FUBP1: variants seen among roughly 807,000 people sequenced by gnomAD.
The protein encoded by FUBP1 is far upstream element binding protein 1.
In FUBP1, 16 loss-of-function variants were observed where a neutral mutation model predicts 94.9. That is an observed-to-expected ratio of 0.17 (90% CI 0.11 to 0.26). FUBP1 has a LOEUF of 0.26. Ranked by LOEUF, FUBP1 falls within the 10% of genes least tolerant of loss-of-function variation. The pLI, the probability that FUBP1 is intolerant of heterozygous loss-of-function variation, is 1.00. For missense variants in FUBP1, 583 were observed against 808.6 expected (o/e 0.72, Z 3.38); for synonymous variants, 279 against 254.9 (o/e 1.09, Z -0.90).
intron 17 of FUBP1, 123 bp downstream of exon 17, chr1:77,956,449 G>A (rs1413452386): frequency 3.5e-6 from 2 of 578,976 alleles, no homozygotes; most frequent in South Asian, 3.7e-5. Context: ...TTTAAAAAAG[G>A]AAAAGTCTGC....
At chr1:77,977,697 C>G (rs763569445) in intron 1 of FUBP1, among the ~76,000 whole-genome samples, 1 of 152,168 alleles carries the variant, frequency 6.6e-6, no homozygotes, top group Non-Finnish European at 1.5e-5. Context: ...TAGTTATATG[C>G]TTGTTGCTAA....
chr1:77,966,477 T>G (rs1461054147), intron 7 of FUBP1, among the ~76,000 whole-genome samples: 1 of 152,194 alleles, frequency 6.6e-6, no homozygotes, highest in Non-Finnish European at 1.5e-5. Flanking sequence ...GGAGTAGATA[T>G]GGAGTTGTTT....
chr1:77,967,811 T>G, intron 3 of FUBP1, 145 bp from the exon 4 acceptor site: 1 of 577,240 alleles, frequency 1.7e-6, no homozygotes, highest in East Asian at 2.9e-5. Flanking sequence ...TTTTACACAA[T>G]ATTTATATTG....
At position 77,978,891 on chromosome 1, in the gene FUBP1, G is replaced by T; in HGVS notation, c.114C>A (p.Ala38=). ...NDAFKDALQR[A]RQIAAKIGGD... is the part of the protein sequence containing the mutation. ...CCGCGCGGTCCACACTTACCTGCCG[G>T]GCTCTCTGCAGTGCATCTTTGAAAG... Residue 38 remains alanine (A), a synonymous_variant, in exon 1 of 20, where the codon GCC becomes GCA. Coordinates refer to ENST00000370768, the MANE Select transcript of FUBP1 (RefSeq NM_003902.5). 6.2e-7 allele frequency: 1 copy of T among 1,613,604 alleles called. No individual in the cohort carries two copies. Among genetic ancestry groups the T allele is most frequent in the African/African-American group, 1.3e-5 (1 of 74,912 alleles).
intron 1 of FUBP1, among the ~76,000 whole-genome samples, chr1:77,975,863 C>T (rs1455897649): frequency 6.6e-6 from 1 of 151,650 alleles, no homozygotes; most frequent in Non-Finnish European, 1.5e-5. Flanking sequence ...CTAAAAATTT[C>T]ACATAAAAGC....
intron 18 of FUBP1, among the ~76,000 whole-genome samples, chr1:77,954,119 C>G (rs1384477330): frequency 1.3e-5 from 2 of 152,098 alleles, no homozygotes; most frequent in South Asian, 4.1e-4. Context: ...TGCCACCGCA[C>G]GTGGCTCATG....
Position 77,947,387 on chromosome 1 carries a change from A to G in FUBP1, c.*1379T>C, listed in dbSNP as rs972980580. On this transcript the variant is annotated 3_prime_UTR_variant, in exon 20 of 20. Coordinates refer to ENST00000370768, the MANE Select transcript of FUBP1 (RefSeq NM_003902.5). ...TATTCACACAACGTATGGCATTTGC[A>G]TTATGTGGAACATTGACAAAAAGAT... The G allele has an allele frequency of 3.9e-6, 2 of 517,098 alleles. No individual in the cohort carries two copies. The highest frequency in any genetic ancestry group is 3.8e-5 in the African/African-American group (2 of 52,846). The allele number at this position is 517,098 out of a possible 1,614,324, so 32.0% of individuals were successfully genotyped here. A position where few individuals can be genotyped will look rare whatever the true frequency, so the allele number is the denominator to read the frequency against.
intron 1 of FUBP1, among the ~76,000 whole-genome samples, chr1:77,971,030 ACAAAC>A (rs1657424678): frequency 6.6e-6 from 1 of 152,018 alleles, no homozygotes; most frequent in African/African-American, 2.4e-5. Context: ...CAAGACTGTT[ACAAAC>A]AAAACAAAAC....
At chr1:77,979,234 A>C, upstream of FUBP1, 1 of 510,156 alleles carries the variant, frequency 2.0e-6, no homozygotes, top group South Asian at 3.0e-5. Context: ...GCGAGGATTA[A>C]GTTTAAGACT....
At chr1:77,964,500 T>G in intron 10 of FUBP1, 144 bp from the exon 11 acceptor site, 1 of 661,714 alleles carries the variant, frequency 1.5e-6, no homozygotes, top group Middle Eastern at 3.8e-4. Flanking sequence ...GTAAATAGGG[T>G]AACAAGATAT....
At chr1:77,967,005 T>C (rs1341966811) in intron 5 of FUBP1, 44 bp downstream of exon 5, 24 of 1,544,724 alleles carry the variant, frequency 1.6e-5, no homozygotes, top group Non-Finnish European at 2.1e-5. Context: ...TTCTAAAGTA[T>C]GTTTTGATCA....
At chr1:77,963,246 T>C (rs1655848076) in intron 13 of FUBP1, among the ~76,000 whole-genome samples, 1 of 152,162 alleles carries the variant, frequency 6.6e-6, no homozygotes, top group South Asian at 2.1e-4. Flanking sequence ...CTTATAAACA[T>C]TCAAATTTTT....
chr1:77,947,861 A>C lies in FUBP1; in HGVS notation c.*905T>G. The stretch of plus-strand genomic sequence containing the variant: ...TGCAATGTAGCTATACTTTTTGCAC[A>C]CTATTCACTTTTCTATCCTAAATTT... On this transcript the variant is annotated 3_prime_UTR_variant, in exon 20 of 20. Coordinates refer to ENST00000370768, the MANE Select transcript of FUBP1 (RefSeq NM_003902.5). The C allele has an allele frequency of 9.0e-7, 1 of 1,107,568 alleles. No individual in the cohort carries two copies. The highest frequency in any genetic ancestry group is 1.1e-6 in the Non-Finnish European group (1 of 894,216). The allele number at this position is 1,107,568 out of a possible 1,614,324, so 68.6% of individuals were successfully genotyped here. A position where few individuals can be genotyped will look rare whatever the true frequency, so the allele number is the denominator to read the frequency against.
intron 14 of FUBP1, 95 bp downstream of exon 14, chr1:77,962,675 T>C (rs1277718753): frequency 1.5e-6 from 1 of 669,602 alleles, no homozygotes. Flanking sequence ...TGACTAGTAA[T>C]GATACATTTT....
chr1:77,961,620 T>C (rs772330131), intron 14 of FUBP1, among the ~76,000 whole-genome samples: 23 of 152,174 alleles, frequency 1.5e-4, no homozygotes, highest in Non-Finnish European at 2.8e-4. Flanking sequence ...ACAGAACCAG[T>C]AAATGATTCA....
At chr1:77,975,994 A>G (rs931712315) in intron 1 of FUBP1, among the ~76,000 whole-genome samples, 1 of 152,226 alleles carries the variant, frequency 6.6e-6, no homozygotes, top group Non-Finnish European at 1.5e-5. Context: ...TGCTTTTCTG[A>G]ATAACAACTA....
At chr1:77,970,055 A>G (rs1211750779) in intron 1 of FUBP1, 40 bp from the exon 2 acceptor site, 4 of 1,017,226 alleles carry the variant, frequency 3.9e-6, no homozygotes, top group Non-Finnish European at 5.9e-6. Flanking sequence ...AAACTATTAT[A>G]TACTATTCAT....
rs1310798819 is a variant in FUBP1, at chr1:77,964,896, T to A, written c.709A>T (p.Ile237Phe). ...TGAACTTTATATGGGTCTCCTGTAATCCTAAGAGGTTTGTCAGCACCAGTG... is the reference window on the plus strand; with the variant it reads ...TGAACTTTATATGGGTCTCCTGTAAACCTAAGAGGTTTGTCAGCACCAGTG... Reference protein sequence around the residue: ...QNTGADKPLRITGDPYKVQQA... With the variant: ...QNTGADKPLRFTGDPYKVQQA... The change falls in exon 9 of 20, where the codon ATT (isoleucine) becomes TTT (phenylalanine). Residue 237 changes from isoleucine (I) to phenylalanine (F), a missense_variant. Ile to Phe is a conservative substitution (Grantham distance 21). Coordinates refer to ENST00000370768, the MANE Select transcript of FUBP1 (RefSeq NM_003902.5). 8 of 1,609,392 alleles carry A rather than the reference T, an allele frequency of 5.0e-6. No homozygotes were observed. The highest frequency in any genetic ancestry group is 1.3e-5 in the African/African-American group (1 of 74,818).
intron 1 of FUBP1, among the ~76,000 whole-genome samples, chr1:77,971,016 A>G (rs1427301768): frequency 6.6e-6 from 1 of 152,140 alleles, no homozygotes; most frequent in Non-Finnish European, 1.5e-5. Flanking sequence ...CTTGGATGAC[A>G]GAGCAAGACT....
Sources: gnomAD v4.1 joint callset for allele counts (sites outside exome capture counted in the v4.1 genomes callset) on GRCh38, gnomAD v4.1.1 for gene constraint, MANE v1.5 for transcripts, NCBI Gene and HGNC (gene_info 2026-07-23, HGNC 2026-07-21) for gene names.